The following PACS1 variants were observed in gnomAD, a reference collection of about 807,000 sequenced individuals.
PACS1 encodes the protein phosphofurin acidic cluster sorting protein 1, also known as PACS-1.
In PACS1, 24 loss-of-function variants were observed where a neutral mutation model predicts 115.0. The observed-to-expected ratio is 0.21, with a 90% CI of 0.15 to 0.29. The LOEUF (loss-of-function observed/expected upper bound fraction) is 0.29, where lower values mean the gene tolerates loss of function less well. PACS1 is among the 10% of genes least tolerant of loss of function. PACS1 has a pLI of 1.00. For synonymous variants in PACS1, 453 were observed against 504.5 expected, an observed-to-expected ratio of 0.90 and a Z score of 1.37; for missense variants, 838 against 1,251.2, an observed-to-expected ratio of 0.67 and a Z score of 4.98.
chr11:66,201,805 G>A (rs560424138), intron 2 of PACS1, among the ~76,000 whole-genome samples: 35 of 151,940 alleles, frequency 2.3e-4, no homozygotes, highest in African/African-American at 6.8e-4. Flanking sequence ...GATTACAGGC[G>A]CGCACCACCA....
intron 1 of PACS1, among the ~76,000 whole-genome samples, chr11:66,171,492 C>T (rs1340273586): frequency 2.7e-5 from 4 of 149,696 alleles, no homozygotes; most frequent in Non-Finnish European, 5.9e-5. Context: ...TTTGGGGGGG[C>T]GGTGTCTCTA....
rs758237966 is a variant in PACS1 at position 66,070,738 on chromosome 11, C to T, written c.252C>T (p.Ser84=). Residue 84 remains serine (S), a synonymous_variant, in exon 1 of 24, where the codon TCC becomes TCT. Coordinates refer to ENST00000320580, the MANE Select transcript of PACS1 (RefSeq NM_018026.4). This position sits in a 1 kb window ranked among gnomAD's most constrained non-coding sequence, Gnocchi z 5.9. ...TGGCCGTGGCGGTGGCCTCGGGCTC[C>T]GCGCCTCCCGGTGGCCCGGGGCCAG... is the stretch of plus-strand genomic sequence containing the variant. ...TSMAVAVASG[S]APPGGPGPGR... 2 of 1,563,644 alleles carry T rather than the reference C, an allele frequency of 1.3e-6. No homozygotes were observed. Among genetic ancestry groups the T allele is most frequent in the East Asian group, 2.5e-5 (1 of 40,410 alleles).
At chr11:66,185,210 G>A (rs1223884429) in intron 1 of PACS1, among the ~76,000 whole-genome samples, 3 of 152,098 alleles carry the variant, frequency 2.0e-5, no homozygotes, top group East Asian at 3.8e-4. Context: ...TATTAATGAT[G>A]GTCTAGGACT....
rs1171684485 is a variant in PACS1 at position 66,070,672 on chromosome 11, G to A, written c.186G>A (p.Ala62=). ...CCTCGTCGTCCTCGTCCACCTCGGC[G>A]GCGGCTGCCTCCTCCTCGTCCTCGT... ...QATSSSSSTS[A]AAASSSSSST... The change falls in exon 1 of 24, where the codon GCG becomes GCA. Residue 62 remains alanine (A), a synonymous_variant. Coordinates refer to ENST00000320580, the MANE Select transcript of PACS1 (RefSeq NM_018026.4). The surrounding 1 kb of genome is among the most constrained non-coding windows in gnomAD (Gnocchi z 5.9). The A allele has an allele frequency of 2.5e-6, 4 of 1,572,662 alleles. No homozygotes were observed. Among genetic ancestry groups the A allele is most frequent in the Admixed American group, 3.4e-5 (2 of 58,038 alleles).
At chr11:66,094,531 C>T (rs1197317840) in intron 1 of PACS1, among the ~76,000 whole-genome samples, 1 of 151,942 alleles carries the variant, frequency 6.6e-6, no homozygotes, top group Non-Finnish European at 1.5e-5. Flanking sequence ...CAATAACAGG[C>T]TCTGAAATTG....
At chr11:66,116,094 ATTTG>A (rs1858300301) in intron 1 of PACS1, among the ~76,000 whole-genome samples, 1 of 152,246 alleles carries the variant, frequency 6.6e-6, no homozygotes, top group African/African-American at 2.4e-5. Context: ...ATGTGTCGCT[ATTTG>A]TTATGAATGA....
At chr11:66,094,892 A>T (rs1387226028) in intron 1 of PACS1, among the ~76,000 whole-genome samples, 1 of 152,066 alleles carries the variant, frequency 6.6e-6, no homozygotes, top group Non-Finnish European at 1.5e-5. Context: ...CTGGTTCAAT[A>T]TACACAAATC....
chr11:66,222,180 C>T (rs900188418), intron 10 of PACS1, among the ~76,000 whole-genome samples: 4 of 152,138 alleles, frequency 2.6e-5, no homozygotes, highest in South Asian at 2.1e-4. Flanking sequence ...ATGGAGTGGG[C>T]GTTTGGCCAG....
At chr11:66,214,017 C>T (rs563491413) in intron 4 of PACS1, among the ~76,000 whole-genome samples, 17 of 121,532 alleles carry the variant, frequency 1.4e-4, no homozygotes, top group Admixed American at 1.1e-3. Context: ...TGGGCGACAG[C>T]GCGAGACTCC....
intron 1 of PACS1, among the ~76,000 whole-genome samples, chr11:66,088,005 T>C (rs72934619): frequency 2.0e-5 from 3 of 152,270 alleles, no homozygotes; most frequent in Non-Finnish European, 2.9e-5. Flanking sequence ...CACCTTTTCA[T>C]GTATTTGTTG....
chr11:66,152,646 C>T (rs551102108), intron 1 of PACS1, among the ~76,000 whole-genome samples: 8 of 152,256 alleles, frequency 5.3e-5, no homozygotes, highest in Admixed American at 3.9e-4. Flanking sequence ...ATGAGTGTGA[C>T]GATTGGGTGT....
intron 11 of PACS1, chr11:66,230,315 G>A: frequency 1.8e-6 from 1 of 542,372 alleles, no homozygotes; most frequent in South Asian, 2.2e-5. Context: ...GTTTGTAACT[G>A]GATATTTACT....
chr11:66,106,950 G>T (rs1377142748), intron 1 of PACS1, among the ~76,000 whole-genome samples: 1 of 152,124 alleles, frequency 6.6e-6, no homozygotes, highest in African/African-American at 2.4e-5. Context: ...GGCTTCATGT[G>T]AGCATTCTTG....
At chr11:66,123,814 C>A (rs543705346) in intron 1 of PACS1, among the ~76,000 whole-genome samples, 12 of 152,230 alleles carry the variant, frequency 7.9e-5, no homozygotes, top group African/African-American at 2.9e-4. Flanking sequence ...AGCCACCGCA[C>A]CCAGCCCATT....
At chr11:66,096,501 A>C (rs113238157) in intron 1 of PACS1, among the ~76,000 whole-genome samples, 3,833 of 149,082 alleles carry the variant, frequency 0.026, 165 homozygotes, top group African/African-American at 0.09. Flanking sequence ...AGTTGCTATG[A>C]ATTTTTTTTT....
At chr11:66,131,932 A>G (rs1392087926) in intron 1 of PACS1, among the ~76,000 whole-genome samples, 1 of 152,026 alleles carries the variant, frequency 6.6e-6, no homozygotes, top group Non-Finnish European at 1.5e-5. Context: ...TAGCATTGCT[A>G]AAACTTATTT....
In PACS1 at chr11:66,230,616, T is replaced by G; in HGVS notation, c.1443T>G (p.Thr481=). ...TSLVVPEKVK[T]PMKSSKTDLQ... Reference sequence around the variant, plus strand: ...TGGTTGTGCCGGAGAAAGTCAAAACTCCCATGAAGTCCAGTAAAACGGATC... The same window carrying G: ...TGGTTGTGCCGGAGAAAGTCAAAACGCCCATGAAGTCCAGTAAAACGGATC... Residue 481 remains threonine, a synonymous_variant, in exon 12 of 24, where the codon ACT becomes ACG. Coordinates refer to ENST00000320580, the MANE Select transcript of PACS1 (RefSeq NM_018026.4). The G allele has an allele frequency of 6.2e-7, 1 of 1,614,044 alleles. No homozygotes were observed. Among genetic ancestry groups the G allele is most frequent in the East Asian group, 2.2e-5 (1 of 44,882 alleles).
chr11:66,118,711 G>T lies in PACS1; in HGVS notation c.356+47869G>T, dbSNP rs1858366159. Among the ~76,000 whole-genome samples the T allele has an allele frequency of 2.2e-5, 3 of 135,580 alleles. No individual in the cohort carries two copies. The Admixed American group carries it at 2.6e-4, about 12-fold the overall frequency. 88.9% of individuals were successfully genotyped at this position (135,580 alleles called of 152,430 possible). ...GGAGGCTGAAGTGGACCAATCACCTGAGCTCAGGAGTTTAAGACCAGCCTG... is the reference window on the plus strand; with the variant it reads ...GGAGGCTGAAGTGGACCAATCACCTTAGCTCAGGAGTTTAAGACCAGCCTG... On this transcript the variant is annotated intron_variant, in intron 1 of 23. Coordinates refer to ENST00000320580, the MANE Select transcript of PACS1 (RefSeq NM_018026.4).
intron 11 of PACS1, among the ~76,000 whole-genome samples, chr11:66,228,121 C>T (rs1041918243): frequency 2.7e-5 from 4 of 150,164 alleles, no homozygotes; most frequent in Non-Finnish European, 6.0e-5. Context: ...AAGATGCAAA[C>T]ATGAGTGAGC....
Sources: gnomAD v4.1 joint callset for allele counts (sites outside exome capture counted in the v4.1 genomes callset) on GRCh38, gnomAD v4.1.1 for gene constraint, Gnocchi (gnomAD v3.1) non-coding constraint, MANE v1.5 for transcripts, NCBI Gene and HGNC (gene_info 2026-07-23, HGNC 2026-07-21) for gene names.